Variants in SDCCAG8 observed in about 807,000 individuals in gnomAD.
The protein encoded by SDCCAG8 is SHH signaling and ciliogenesis regulator SDCCAG8, also known as serologically defined colon cancer antigen 8.
A neutral mutation model predicts 101.8 loss-of-function variants in SDCCAG8; 74 were observed. The observed-to-expected ratio is 0.73, with a 90% CI of 0.60 to 0.88. The LOEUF (loss-of-function observed/expected upper bound fraction) is 0.88. Ranked by LOEUF, SDCCAG8 falls within the 40% of genes least tolerant of loss-of-function variation. The pLI is 0.00. For synonymous variants in SDCCAG8, 281 were observed against 292.9 expected (o/e 0.96, Z 0.41); for missense variants, 787 against 822.6 (o/e 0.96, Z 0.53).
Position 243,326,610 on chromosome 1 carries a change from AT to A in SDCCAG8, c.1069-3928del, listed in dbSNP as rs2074168698. 3.9e-5 allele frequency among the ~76,000 whole-genome samples: 6 copies of A among 152,340 alleles called. No homozygotes were observed. The South Asian group carries it at 1.2e-3, about 32-fold the overall frequency. ...TAAATTAAAATCAATAGTTTGCATT[AT>A]TCATAAGTTAGATGTTTGAAATGTG... On this transcript the variant is annotated intron_variant, in intron 9 of 17. Coordinates refer to ENST00000366541, the MANE Select transcript of SDCCAG8 (RefSeq NM_006642.5).
chr1:243,499,266 A>C (rs1179894154), intron 17 of SDCCAG8, among the ~76,000 whole-genome samples: 2 of 152,228 alleles, frequency 1.3e-5, no homozygotes, highest in Non-Finnish European at 1.5e-5. Context: ...ACTTTTTCAT[A>C]GGTTACAATA....
intron 12 of SDCCAG8, among the ~76,000 whole-genome samples, chr1:243,346,971 C>T (rs765106574): frequency 1.6e-4 from 25 of 152,042 alleles, no homozygotes; most frequent in African/African-American, 4.6e-4. Flanking sequence ...TCATTTTGCC[C>T]GTCCTCTTCC....
intron 3 of SDCCAG8, 100 bp downstream of exon 3, chr1:243,271,163 C>G (rs1489559075): frequency 5.0e-6 from 4 of 792,574 alleles, no homozygotes; most frequent in Non-Finnish European, 6.7e-6. Context: ...GCATGGCATA[C>G]TAATAGTGAA....
At chr1:243,314,750 C>T (rs377698231) in intron 8 of SDCCAG8, among the ~76,000 whole-genome samples, 1 of 152,184 alleles carries the variant, frequency 6.6e-6, no homozygotes, top group Admixed American at 6.5e-5. Flanking sequence ...TGCTCTGTCA[C>T]CTAGGCTAGA....
chr1:243,497,865 A>G (rs2148320418), intron 17 of SDCCAG8, among the ~76,000 whole-genome samples: 1 of 152,184 alleles, frequency 6.6e-6, no homozygotes, highest in East Asian at 1.9e-4. Context: ...TTTTTTTTGT[A>G]GAGATGAGGT....
At chr1:243,317,380 G>A (rs1464488289) in intron 9 of SDCCAG8, among the ~76,000 whole-genome samples, 5 of 150,764 alleles carry the variant, frequency 3.3e-5, no homozygotes, top group Non-Finnish European at 5.9e-5. Flanking sequence ...GAGTGCAATG[G>A]CACGATTTCG....
At chr1:243,469,839 T>TG in intron 16 of SDCCAG8, among the ~76,000 whole-genome samples, 1 of 151,044 alleles carries the variant, frequency 6.6e-6, no homozygotes, top group East Asian at 1.9e-4. Context: ...GGTTTTTTTT[T>TG]TTTTTTTTTT....
chr1:243,405,934 T>TAATAG (rs938995573), intron 13 of SDCCAG8, among the ~76,000 whole-genome samples: 2 of 151,468 alleles, frequency 1.3e-5, no homozygotes, highest in African/African-American at 2.4e-5. Flanking sequence ...AATAATAGAA[T>TAATAG]AATAGAATAG....
At chr1:243,282,205 T>C (rs72757696) in intron 4 of SDCCAG8, among the ~76,000 whole-genome samples, 1,646 of 134,850 alleles carry the variant, frequency 0.012, 11 homozygotes, top group Non-Finnish European at 0.019. Flanking sequence ...ATTGTACTTC[T>C]TTTTTTTTTT....
At chr1:243,324,725 G>A (rs1376649297) in intron 9 of SDCCAG8, among the ~76,000 whole-genome samples, 1 of 151,986 alleles carries the variant, frequency 6.6e-6, no homozygotes, top group African/African-American at 2.4e-5. Context: ...TTTTCACAGT[G>A]CTCTCATAAC....
chr1:243,470,087 A>G (rs1004860920), intron 16 of SDCCAG8, among the ~76,000 whole-genome samples: 1 of 152,104 alleles, frequency 6.6e-6, no homozygotes, highest in Non-Finnish European at 1.5e-5. Flanking sequence ...ATGTCTGGTT[A>G]ACAACACAAG....
intron 4 of SDCCAG8, among the ~76,000 whole-genome samples, chr1:243,282,020 G>A (rs1274854080): frequency 2.0e-5 from 3 of 151,968 alleles, no homozygotes; most frequent in Non-Finnish European, 4.4e-5. Flanking sequence ...GTCTCTCTCA[G>A]TCGCCCAGGC....
intron 16 of SDCCAG8, among the ~76,000 whole-genome samples, chr1:243,463,337 G>A (rs753057476): frequency 2.6e-5 from 4 of 152,252 alleles, no homozygotes; most frequent in African/African-American, 4.8e-5. Context: ...TGTATGCAGA[G>A]GAGAATAAGG....
rs1052259973 is a variant in SDCCAG8, at chr1:243,474,109, GACAA to G, written c.1986-14900_1986-14897del. On this transcript the variant is annotated intron_variant, in intron 16 of 17. Coordinates refer to ENST00000366541, the MANE Select transcript of SDCCAG8 (RefSeq NM_006642.5). This position sits in a 1 kb window ranked among gnomAD's most constrained non-coding sequence, Gnocchi z 4.7. The stretch of plus-strand genomic sequence containing the variant: ...AAAATTTGAGTCCTTCATGATCACT[GACAA>G]ACAATGATTCATTGGTTTACAAATA... 7.3e-4 allele frequency among the ~76,000 whole-genome samples: 111 copies of G among 151,976 alleles called. No homozygotes were observed. The highest frequency in any genetic ancestry group is 2.6e-3 in the African/African-American group (106 of 41,432).
At chr1:243,319,092 C>T (rs918651797) in intron 9 of SDCCAG8, among the ~76,000 whole-genome samples, 1 of 152,018 alleles carries the variant, frequency 6.6e-6, no homozygotes, top group Non-Finnish European at 1.5e-5. Context: ...CAGGACTGAG[C>T]GAGGAGGAGA....
At chr1:243,409,404 A>T (rs2080010139) in intron 13 of SDCCAG8, among the ~76,000 whole-genome samples, 1 of 152,184 alleles carries the variant, frequency 6.6e-6, no homozygotes, top group Non-Finnish European at 1.5e-5. Flanking sequence ...TTATATTTAT[A>T]TTCACATTTA....
chr1:243,485,642 ATG>A (rs754472293), intron 16 of SDCCAG8, among the ~76,000 whole-genome samples: 39 of 152,204 alleles, frequency 2.6e-4, no homozygotes, highest in Non-Finnish European at 4.0e-4. Context: ...GCGGTGGCTC[ATG>A]CCTGTAATCC....
At chr1:243,453,356 C>T (rs1400601738) in intron 16 of SDCCAG8, among the ~76,000 whole-genome samples, 1 of 152,200 alleles carries the variant, frequency 6.6e-6, no homozygotes, top group African/African-American at 2.4e-5. Context: ...AAGTCCAGGT[C>T]TCCTGACTCG....
At chr1:243,381,156 G>A (rs761915463) in intron 13 of SDCCAG8, among the ~76,000 whole-genome samples, 20 of 152,234 alleles carry the variant, frequency 1.3e-4, no homozygotes, top group Middle Eastern at 6.8e-3. Context: ...TATGAAAACC[G>A]TGTTTAAAGT....
Sources: gnomAD v4.1 joint callset for allele counts (sites outside exome capture counted in the v4.1 genomes callset) on GRCh38, gnomAD v4.1.1 for gene constraint, Gnocchi (gnomAD v3.1) non-coding constraint, MANE v1.5 for transcripts, NCBI Gene and HGNC (gene_info 2026-07-23, HGNC 2026-07-21) for gene names.